Variants in ANLN observed in about 807,000 individuals in gnomAD.
ANLN encodes the protein anillin.
ANLN carries 59 observed loss-of-function variants against 135.1 expected under a neutral mutation model. That is an observed-to-expected ratio of 0.44 (90% confidence interval 0.35 to 0.54). ANLN has a LOEUF of 0.54. Among genes scored for constraint, ANLN ranks in the 20% least tolerant of loss-of-function variants. The probability of loss-of-function intolerance (pLI) is 0.00; values close to 1 mark genes in which losing one functional copy is unlikely to be tolerated. For synonymous variants in ANLN, 406 were observed against 456.4 expected, an observed-to-expected ratio of 0.89 and a Z score of 1.41; for missense variants, 1,182 against 1,340.0, an observed-to-expected ratio of 0.88 and a Z score of 1.84.
rs17170590 is a variant in ANLN at position 36,419,219 on chromosome 7, G to A, written c.1634-25G>A. On this transcript the variant is annotated intron_variant, in intron 9 of 23. Coordinates refer to ENST00000265748, the MANE Select transcript of ANLN (RefSeq NM_018685.5). ...AATTCTTAAATATCTGAGTCACAGTGTCCACCTATTGAAATATTTTTCAGA... is the reference window on the plus strand; with the variant it reads ...AATTCTTAAATATCTGAGTCACAGTATCCACCTATTGAAATATTTTTCAGA... 365,517 of 1,507,474 alleles carry A rather than the reference G, an allele frequency of 0.24. 45,538 individuals carry two copies. Among genetic ancestry groups the A allele is most frequent in the East Asian group, 0.41 (17,991 of 44,250 alleles). 93.4% of individuals were successfully genotyped at this position (1,507,474 alleles called of 1,614,324 possible). A position where few individuals can be genotyped will look rare whatever the true frequency, so the allele number is the denominator to read the frequency against.
chr7:36,449,737 G>T lies in ANLN; in HGVS notation c.3151G>T (p.Ala1051Ser). ...AGAACCAGCCAACAGAGAATTTTGTGCAAGACGCAACACTTTTGAATTAAT... is the reference window on the plus strand; with the variant it reads ...AGAACCAGCCAACAGAGAATTTTGTTCAAGACGCAACACTTTTGAATTAAT... ...QIEPANREFC[A>S]RRNTFELITV... Residue 1051 changes from alanine (A) to serine (S), a missense_variant, in exon 23 of 24, where the codon GCA (alanine) becomes TCA (serine). By Grantham distance (99) the Ala-to-Ser change is moderately conservative. Transcript: ENST00000265748. 6.2e-7 allele frequency: 1 copy of T among 1,614,034 alleles called. No individual in the cohort carries two copies. Among genetic ancestry groups the T allele is most frequent in the Non-Finnish European group, 8.5e-7 (1 of 1,179,962 alleles).
intron 3 of ANLN, among the ~76,000 whole-genome samples, chr7:36,403,066 G>A (rs968043002): frequency 2.0e-5 from 3 of 152,236 alleles, no homozygotes; most frequent in South Asian, 2.1e-4. Context: ...GCAGTGAGCC[G>A]AGATCGCGCC....
rs753770013 is a variant in ANLN at position 36,422,616 on chromosome 7, T to C, written c.2300-17T>C. 17 of 1,568,626 alleles carry C rather than the reference T, an allele frequency of 1.1e-5. No homozygotes were observed. In the East Asian group the frequency reaches 3.8e-4, roughly 35 times the overall value. ...GTTACGATTTTAATATTTGGAATAT[T>C]GCGTTGTTTTACATAGCTGGGAAGA... On this transcript the variant is annotated splice_polypyrimidine_tract_variant and intron_variant, in intron 13 of 23. Transcript: ENST00000265748.
intron 20 of ANLN, among the ~76,000 whole-genome samples, chr7:36,427,379 G>GGT (rs1212859909): frequency 1.6e-5 from 2 of 128,012 alleles, no homozygotes; most frequent in East Asian, 5.2e-4. Context: ...TTGTTTTTTT[G>GGT]TTTTTTTGTT....
chr7:36,426,247 C>T (rs1312926479), intron 19 of ANLN, among the ~76,000 whole-genome samples: 3 of 152,152 alleles, frequency 2.0e-5, no homozygotes, highest in Non-Finnish European at 2.9e-5. Flanking sequence ...ACCATAGAGG[C>T]ACCAGTCATC....
chr7:36,446,173 C>A (rs776348974), intron 22 of ANLN, among the ~76,000 whole-genome samples: 1 of 152,112 alleles, frequency 6.6e-6, no homozygotes, highest in Non-Finnish European at 1.5e-5. Flanking sequence ...GTAATCAGAC[C>A]TGCTAGTCTA....
chr7:36,423,671 G>A lies in ANLN; in HGVS notation c.2477-146G>A, dbSNP rs1787968595. On this transcript the variant is annotated intron_variant, in intron 14 of 23. Transcript: ENST00000265748. Reference sequence around the variant, plus strand: ...ACTTAAGTCTTATTTAGCTTTTTGTGTCTGGAAAGTTGATTTTAGTAATTT... The same window carrying A: ...ACTTAAGTCTTATTTAGCTTTTTGTATCTGGAAAGTTGATTTTAGTAATTT... 4 of 727,182 alleles carry A rather than the reference G, an allele frequency of 5.5e-6. No individual in the cohort carries two copies. The African/African-American group carries it at 5.5e-5, about 10-fold the overall frequency. 45.0% of individuals were successfully genotyped at this position (727,182 alleles called of 1,614,324 possible).
At chr7:36,420,090 G>T in intron 10 of ANLN, 79 bp from the exon 11 acceptor site, 1 of 1,386,454 alleles carries the variant, frequency 7.2e-7, no homozygotes, top group Non-Finnish European at 9.8e-7. Context: ...TAATATTAAT[G>T]GAGAATTCAT....
rs150491930 is a variant in ANLN at position 36,424,373 on chromosome 7, T to C, written c.2604-172T>C. 1.0e-2 allele frequency among the ~76,000 whole-genome samples: 1,518 copies of C among 152,226 alleles called. 16 individuals are homozygous for C. The highest frequency in any genetic ancestry group is 0.016 in the Non-Finnish European group (1,117 of 67,966). On this transcript the variant is annotated intron_variant, in intron 15 of 23. Transcript: ENST00000265748. Reference sequence around the variant, plus strand: ...GTGAGTTGTAAAACACGGAGGAAAATATTTTGGACTTGCATTATAGGGAAA... The same window carrying C: ...GTGAGTTGTAAAACACGGAGGAAAACATTTTGGACTTGCATTATAGGGAAA...
At chr7:36,452,428 G>C (rs1168424314) in intron 23 of ANLN, 49 bp from the exon 24 acceptor site, 10 of 1,611,294 alleles carry the variant, frequency 6.2e-6, no homozygotes, top group African/African-American at 5.3e-5. Flanking sequence ...ATGGGGGTAT[G>C]GAATGGAGGG....
chr7:36,412,690 T>C (rs1787474702), intron 7 of ANLN, among the ~76,000 whole-genome samples: 1 of 152,132 alleles, frequency 6.6e-6, no homozygotes, highest in African/African-American at 2.4e-5. Context: ...GAAGTGCTCC[T>C]CATAGTCATC....
chr7:36,443,923 G>A, intron 22 of ANLN, 61 bp downstream of exon 22: 1 of 1,169,546 alleles, frequency 8.6e-7, no homozygotes, highest in Non-Finnish European at 1.2e-6. Flanking sequence ...TAGTGTTCAT[G>A]CAAATGTTCC....
intron 3 of ANLN, among the ~76,000 whole-genome samples, chr7:36,401,434 G>A (rs1468084665): frequency 5.9e-5 from 9 of 152,198 alleles, no homozygotes; most frequent in African/African-American, 1.7e-4. Context: ...CGCCTCCCAG[G>A]TTCAAGCAGT....
intron 20 of ANLN, among the ~76,000 whole-genome samples, chr7:36,433,760 A>G (rs1788419501): frequency 6.6e-6 from 1 of 151,934 alleles, no homozygotes; most frequent in South Asian, 2.1e-4. Context: ...TCTATTTATC[A>G]GTTCTTCAAG....
At chr7:36,408,028 T>G in intron 5 of ANLN, 72 bp downstream of exon 5, 2 of 1,213,112 alleles carry the variant, frequency 1.6e-6, no homozygotes, top group Non-Finnish European at 2.3e-6. Flanking sequence ...TTTTAAATAT[T>G]CAATTGTGAA....
intron 1 of ANLN, among the ~76,000 whole-genome samples, chr7:36,392,142 A>G (rs768719396): frequency 6.6e-6 from 1 of 152,168 alleles, no homozygotes; most frequent in Non-Finnish European, 1.5e-5. Context: ...AAAAAGCTAT[A>G]ATTAAAATAC....
chr7:36,449,743 C>A lies in ANLN; in HGVS notation c.3157C>A (p.Arg1053Ser). Residue 1053 changes from arginine to serine, a missense_variant, in exon 23 of 24, where the codon CGC becomes AGC. Transcript: ENST00000265748. Reference sequence around the variant, plus strand: ...AGCCAACAGAGAATTTTGTGCAAGACGCAACACTTTTGAATTAATTACTGT... The same window carrying A: ...AGCCAACAGAGAATTTTGTGCAAGAAGCAACACTTTTGAATTAATTACTGT... Reference protein sequence around the residue: ...EPANREFCARRNTFELITVRP... With the variant: ...EPANREFCARSNTFELITVRP... The A allele has an allele frequency of 6.2e-7, 1 of 1,613,952 alleles. No individual in the cohort carries two copies. Among genetic ancestry groups the A allele is most frequent in the Non-Finnish European group, 8.5e-7 (1 of 1,179,936 alleles).
chr7:36,407,573 C>T, intron 4 of ANLN, 161 bp from the exon 5 acceptor site: 1 of 585,740 alleles, frequency 1.7e-6, no homozygotes, highest in Non-Finnish European at 2.9e-6. Flanking sequence ...TTTTTTTTCC[C>T]AAATCTTTCA....
intron 1 of ANLN, among the ~76,000 whole-genome samples, chr7:36,393,069 A>C (rs1786548693): frequency 6.6e-6 from 1 of 150,906 alleles, no homozygotes; most frequent in African/African-American, 2.4e-5. Context: ...TCTCGCCCAG[A>C]CTGGAGCTCA....
Sources: gnomAD v4.1 joint callset for allele counts (sites outside exome capture counted in the v4.1 genomes callset) on GRCh38, gnomAD v4.1.1 for gene constraint, MANE v1.5 for transcripts, NCBI Gene and HGNC (gene_info 2026-07-23, HGNC 2026-07-21) for gene names.